The following AUTS2 variants were observed in gnomAD, a reference collection of about 807,000 sequenced individuals.
The protein encoded by AUTS2 is activator of transcription and developmental regulator AUTS2.
In AUTS2, 17 loss-of-function variants were observed where a neutral mutation model predicts 112.4. The observed-to-expected ratio is 0.15, with a 90% CI of 0.10 to 0.23. The LOEUF is 0.23. Ranked by LOEUF, AUTS2 falls within the 10% of genes least tolerant of loss-of-function variation. The probability of loss-of-function intolerance (pLI) is 1.00; values close to 1 mark genes in which losing one functional copy is unlikely to be tolerated. For missense variants in AUTS2, 1,510 were observed against 1,701.6 expected, an observed-to-expected ratio of 0.89 and a Z score of 1.98; for synonymous variants, 751 against 702.7, an observed-to-expected ratio of 1.07 and a Z score of -1.09.
chr7:70,750,154 C>T (rs1788710806), intron 6 of AUTS2, among the ~76,000 whole-genome samples: 1 of 152,124 alleles, frequency 6.6e-6, no homozygotes, highest in Non-Finnish European at 1.5e-5. Flanking sequence ...CTTCTTTCTA[C>T]TAGGGTAACT....
In AUTS2 at chr7:70,631,361, A is replaced by G. The variant is rs1805248297; in HGVS notation, c.691-67208A>G. 6.6e-6 allele frequency among the ~76,000 whole-genome samples: 1 copy of G among 152,266 alleles called. No homozygotes were observed. The highest frequency in any genetic ancestry group is 2.4e-5 in the African/African-American group (1 of 41,554). ...GGCTGGCGACTGGCGGCGGGGAAGC[A>G]TGTGCACATGCGTGTCTGCACTGCT... On this transcript the variant is annotated intron_variant, in intron 5 of 18. Coordinates refer to ENST00000342771, the MANE Select transcript of AUTS2 (RefSeq NM_015570.4). The surrounding 1 kb of genome is among the most constrained non-coding windows in gnomAD (Gnocchi z 4.5).
intron 3 of AUTS2, among the ~76,000 whole-genome samples, chr7:70,124,849 C>CCG (rs1224432634): frequency 6.6e-6 from 1 of 152,216 alleles, no homozygotes; most frequent in African/African-American, 2.4e-5. Flanking sequence ...GCGTGAGCCA[C>CCG]CGCGCCCAGC....
chr7:70,733,515 A>G (rs1194875110), intron 6 of AUTS2, among the ~76,000 whole-genome samples: 2 of 151,192 alleles, frequency 1.3e-5, no homozygotes, highest in Admixed American at 1.3e-4. Context: ...CACCTCTTCC[A>G]CTCCCACCTG....
At chr7:69,737,323 G>T (rs895258818) in intron 1 of AUTS2, among the ~76,000 whole-genome samples, 8 of 152,154 alleles carry the variant, frequency 5.3e-5, no homozygotes, top group Admixed American at 5.2e-4. Flanking sequence ...CTAAGTGCTT[G>T]TAATATGTTT....
At chr7:69,891,085 A>G (rs1042780665) in intron 1 of AUTS2, among the ~76,000 whole-genome samples, 1 of 152,222 alleles carries the variant, frequency 6.6e-6, no homozygotes, top group Non-Finnish European at 1.5e-5. Flanking sequence ...GCCACAATCA[A>G]GACAGCGAAC....
At chr7:70,162,440 C>T (rs1238039189) in intron 4 of AUTS2, among the ~76,000 whole-genome samples, 5 of 84,684 alleles carry the variant, frequency 5.9e-5, no homozygotes, top group Admixed American at 1.8e-4. Context: ...AGCGAGACTC[C>T]GTCTCAAAAA....
chr7:70,380,382 A>T (rs573865624), intron 4 of AUTS2, among the ~76,000 whole-genome samples: 2 of 152,286 alleles, frequency 1.3e-5, no homozygotes, highest in South Asian at 4.1e-4. Flanking sequence ...GTTGGTTCTT[A>T]TTTCATTTTG....
chr7:70,176,247 A>T (rs1808981443), intron 4 of AUTS2, among the ~76,000 whole-genome samples: 1 of 152,246 alleles, frequency 6.6e-6, no homozygotes, highest in African/African-American at 2.4e-5. Flanking sequence ...TAGTACGTAC[A>T]AGAAAGCTAT....
intron 1 of AUTS2, among the ~76,000 whole-genome samples, chr7:69,644,338 T>C (rs945623732): frequency 2.0e-5 from 3 of 152,080 alleles, no homozygotes; most frequent in Admixed American, 6.6e-5. Flanking sequence ...TTTTTTTTTT[T>C]CTTCCAGGAC....
Position 69,676,693 on chromosome 7 carries a change from G to A in AUTS2, c.309+76731G>A, listed in dbSNP as rs138773685. 6.8e-3 allele frequency among the ~76,000 whole-genome samples: 1,036 copies of A among 152,178 alleles called. 12 individuals carry two copies. Among genetic ancestry groups the A allele is most frequent in the African/African-American group, 0.023 (942 of 41,518 alleles). ...TGGGGAGGAAAAACTGAAAATAAAC[G>A]ATGATTACTTTTCAGTATTCTGTGG... On this transcript the variant is annotated intron_variant, in intron 1 of 18. Coordinates refer to ENST00000342771, the MANE Select transcript of AUTS2 (RefSeq NM_015570.4).
intron 4 of AUTS2, among the ~76,000 whole-genome samples, chr7:70,433,989 A>G (rs1390538065): frequency 6.6e-6 from 1 of 152,178 alleles, no homozygotes; most frequent in African/African-American, 2.4e-5. Context: ...CAGTGGTCCA[A>G]TTCTGTCAGG....
At chr7:70,080,493 T>G (rs1250666614) in intron 2 of AUTS2, among the ~76,000 whole-genome samples, 1 of 152,238 alleles carries the variant, frequency 6.6e-6, no homozygotes, top group Non-Finnish European at 1.5e-5. Context: ...AATGTTAATT[T>G]TCCCATTTGG....
At chr7:69,933,476 C>T (rs1029987916) in intron 2 of AUTS2, among the ~76,000 whole-genome samples, 10 of 152,228 alleles carry the variant, frequency 6.6e-5, no homozygotes, top group East Asian at 3.9e-4. Flanking sequence ...TTCAGGACTT[C>T]GGCTCCCTGT....
intron 4 of AUTS2, among the ~76,000 whole-genome samples, chr7:70,226,020 T>C (rs1811745338): frequency 6.6e-6 from 1 of 152,180 alleles, no homozygotes; most frequent in Non-Finnish European, 1.5e-5. Flanking sequence ...TTAACCCAAG[T>C]AGGACTAATC....
chr7:69,897,601 C>A lies in AUTS2; in HGVS notation c.310-1685C>A, dbSNP rs867087260. ...CTAAAAATACAAAAAAAAAAAAAAA[C>A]AAAAAAAATGGCTGGGTATGGTGGC... On this transcript the variant is annotated intron_variant, in intron 1 of 18. Coordinates refer to ENST00000342771, the MANE Select transcript of AUTS2 (RefSeq NM_015570.4). 4.1e-3 allele frequency among the ~76,000 whole-genome samples: 599 copies of A among 144,406 alleles called. 1 individual carries two copies. The highest frequency in any genetic ancestry group is 0.014 in the Middle Eastern group (4 of 288). 94.7% of individuals were successfully genotyped at this position (144,406 alleles called of 152,430 possible). A position where few individuals can be genotyped will look rare whatever the true frequency, so the allele number is the denominator to read the frequency against.
At chr7:69,895,545 C>T (rs1372074511) in intron 1 of AUTS2, among the ~76,000 whole-genome samples, 1 of 124,356 alleles carries the variant, frequency 8.0e-6, no homozygotes, top group African/African-American at 2.9e-5. Context: ...TCTCTTCTTC[C>T]CCCCCCCCGA....
At chr7:70,641,943 A>G (rs979320714) in intron 5 of AUTS2, among the ~76,000 whole-genome samples, 1 of 152,240 alleles carries the variant, frequency 6.6e-6, no homozygotes, top group African/African-American at 2.4e-5. Flanking sequence ...AGTATCAGAT[A>G]GCTAAGGTTG....
chr7:70,011,938 G>A (rs771804010), intron 2 of AUTS2, among the ~76,000 whole-genome samples: 43 of 152,250 alleles, frequency 2.8e-4, no homozygotes, highest in Middle Eastern at 6.8e-3. Context: ...ACAGTGGAGA[G>A]GAGGGAGTAT....
At chr7:70,357,795 G>A (rs1056940374) in intron 4 of AUTS2, among the ~76,000 whole-genome samples, 2 of 152,364 alleles carry the variant, frequency 1.3e-5, no homozygotes, top group African/African-American at 4.8e-5. Context: ...AAATAGGGAA[G>A]AAAGCCAATT....
Sources: gnomAD v4.1 joint callset for allele counts (sites outside exome capture counted in the v4.1 genomes callset) on GRCh38, gnomAD v4.1.1 for gene constraint, Gnocchi (gnomAD v3.1) non-coding constraint, MANE v1.5 for transcripts, NCBI Gene and HGNC (gene_info 2026-07-23, HGNC 2026-07-21) for gene names.